Variants in SUPT3H observed in about 807,000 individuals in gnomAD.
SUPT3H encodes transcription initiation protein SPT3 homolog.
In SUPT3H, 44 loss-of-function variants were observed where a neutral mutation model predicts 44.3. That is an observed-to-expected ratio of 0.99 (90% CI 0.78 to 1.28). The LOEUF (loss-of-function observed/expected upper bound fraction) is 1.28, where lower values mean the gene tolerates loss of function less well. Among genes scored for constraint, SUPT3H ranks in the 50% most tolerant of loss-of-function variants. The pLI is 0.00. For missense variants in SUPT3H, 380 were observed against 387.1 expected (o/e 0.98, Z 0.15); for synonymous variants, 124 against 125.6 (o/e 0.99, Z 0.09).
chr6:45,197,653 C>A, intron 2 of SUPT3H: 1 of 349,424 alleles, frequency 2.9e-6, no homozygotes, highest in South Asian at 2.3e-5. Flanking sequence ...ATTGACAATA[C>A]TATTTTTTCA....
At position 45,007,409 on chromosome 6, in the gene SUPT3H, T is replaced by C. The variant is rs542059217; in HGVS notation, c.365-3617A>G. Among the ~76,000 whole-genome samples the C allele has an allele frequency of 2.8e-4, 42 of 152,212 alleles. 1 individual carries two copies. Among genetic ancestry groups the C allele is most frequent in the Admixed American group, 2.7e-3 (41 of 15,276 alleles). On this transcript the variant is annotated intron_variant, in intron 5 of 10. Transcript: ENST00000371459. The stretch of plus-strand genomic sequence containing the variant: ...TCATATGCATCTTAACTCCTCCGAA[T>C]TTATCCTCTATATCTCTTACCTTTT...
intron 2 of SUPT3H, among the ~76,000 whole-genome samples, chr6:45,272,167 G>C (rs774737580): frequency 2.0e-5 from 3 of 152,188 alleles, no homozygotes; most frequent in African/African-American, 4.8e-5. Flanking sequence ...GCTGAAATGA[G>C]TTAAGACTTT....
At chr6:45,341,110 C>T (rs1467681127) in intron 2 of SUPT3H, among the ~76,000 whole-genome samples, 1 of 152,128 alleles carries the variant, frequency 6.6e-6, no homozygotes, top group African/African-American at 2.4e-5. Context: ...GAAGTAAATC[C>T]TTGACATGTA....
At chr6:44,981,582 G>T (rs1329226162) in intron 6 of SUPT3H, among the ~76,000 whole-genome samples, 5 of 152,076 alleles carry the variant, frequency 3.3e-5, no homozygotes, top group Non-Finnish European at 7.4e-5. Context: ...ATTAGAAAAA[G>T]ATTAGCGTGA....
At chr6:44,893,588 A>T (rs62438018) in intron 10 of SUPT3H, among the ~76,000 whole-genome samples, 6 of 151,950 alleles carry the variant, frequency 3.9e-5, no homozygotes, top group Admixed American at 6.6e-5. Context: ...TCCATGGTAT[A>T]TATGTGCCAC....
intron 2 of SUPT3H, among the ~76,000 whole-genome samples, chr6:45,151,114 C>A (rs970785196): frequency 9.2e-5 from 14 of 152,108 alleles, no homozygotes; most frequent in South Asian, 2.1e-4. Flanking sequence ...ATGTTTCATA[C>A]ATATTTCTCC....
intron 2 of SUPT3H, among the ~76,000 whole-genome samples, chr6:45,177,727 G>T (rs1812249855): frequency 1.3e-5 from 2 of 151,974 alleles, no homozygotes; most frequent in African/African-American, 4.8e-5. Context: ...TCTCTCAGCA[G>T]AAACTCTACA....
intron 2 of SUPT3H, among the ~76,000 whole-genome samples, chr6:45,156,834 T>C (rs1238497933): frequency 6.6e-6 from 1 of 152,092 alleles, no homozygotes; most frequent in Non-Finnish European, 1.5e-5. Flanking sequence ...TAGTGTGAAA[T>C]ATTTGTTGAC....
chr6:45,083,744 G>C (rs1796133286), intron 3 of SUPT3H, among the ~76,000 whole-genome samples: 1 of 148,758 alleles, frequency 6.7e-6, no homozygotes, highest in African/African-American at 2.5e-5. Context: ...TATAAAAACA[G>C]ACACATAGAC....
At chr6:44,915,045 T>C (rs1019944481) in intron 10 of SUPT3H, among the ~76,000 whole-genome samples, 3 of 152,184 alleles carry the variant, frequency 2.0e-5, no homozygotes, top group Non-Finnish European at 4.4e-5. Context: ...TATCTAAATC[T>C]GAACATCCAA....
rs566277628 is a variant in SUPT3H, at chr6:44,886,473, A to C, written c.912+46180T>G. Among the ~76,000 whole-genome samples, 48 of 152,352 alleles carry C rather than the reference A, an allele frequency of 3.2e-4. No homozygotes were observed. The South Asian group carries it at 6.2e-3, about 20-fold the overall frequency. On this transcript the variant is annotated intron_variant, in intron 10 of 10. Transcript: ENST00000371459. ...GTGGGGGCTAATATTCAACATTCTT[A>C]AAGAAAAGAACTTTCAACCCAGAAT...
intron 6 of SUPT3H, among the ~76,000 whole-genome samples, chr6:44,993,819 T>A (rs553955124): frequency 5.3e-5 from 8 of 152,230 alleles, no homozygotes; most frequent in African/African-American, 1.9e-4. Flanking sequence ...AACATAACAA[T>A]GAGTTATCCT....
intron 3 of SUPT3H, among the ~76,000 whole-genome samples, chr6:45,091,045 C>T (rs758046610): frequency 1.6e-4 from 24 of 151,862 alleles, no homozygotes; most frequent in Non-Finnish European, 1.5e-4. Flanking sequence ...TTTTAAATAT[C>T]CTTTTCAAGT....
intron 2 of SUPT3H, among the ~76,000 whole-genome samples, chr6:45,226,159 T>C (rs933224509): frequency 2.0e-5 from 3 of 152,150 alleles, no homozygotes; most frequent in Non-Finnish European, 2.9e-5. Context: ...ACAGCAGATA[T>C]ATGAAGTCCA....
At chr6:44,838,868 C>T (rs1770414129) in intron 10 of SUPT3H, among the ~76,000 whole-genome samples, 1 of 152,166 alleles carries the variant, frequency 6.6e-6, no homozygotes, top group South Asian at 2.1e-4. Context: ...GTTCTTGAGA[C>T]ACTGTGAACA....
intron 2 of SUPT3H, among the ~76,000 whole-genome samples, chr6:45,179,519 A>G (rs1410932067): frequency 3.9e-5 from 6 of 152,242 alleles, no homozygotes; most frequent in South Asian, 2.1e-4. Flanking sequence ...ACATCAAAAA[A>G]CTTATCCACC....
At chr6:45,216,284 A>C (rs1292514935) in intron 2 of SUPT3H, among the ~76,000 whole-genome samples, 1 of 152,056 alleles carries the variant, frequency 6.6e-6, no homozygotes, top group East Asian at 1.9e-4. Context: ...CAAAGTATAA[A>C]ACTCACTGAT....
intron 7 of SUPT3H, among the ~76,000 whole-genome samples, chr6:44,958,118 C>G (rs1429759748): frequency 6.6e-6 from 1 of 152,168 alleles, no homozygotes; most frequent in East Asian, 1.9e-4. Flanking sequence ...AATTGACTAA[C>G]AAACAGAATC....
chr6:45,286,684 C>T (rs1360131103), intron 2 of SUPT3H, among the ~76,000 whole-genome samples: 6 of 152,108 alleles, frequency 3.9e-5, no homozygotes, highest in Admixed American at 3.3e-4. Context: ...GTCAGTGTGG[C>T]GATTCCTCAG....
Sources: gnomAD v4.1 joint callset for allele counts (sites outside exome capture counted in the v4.1 genomes callset) on GRCh38, gnomAD v4.1.1 for gene constraint, MANE v1.5 for transcripts, NCBI Gene and HGNC (gene_info 2026-07-23, HGNC 2026-07-21) for gene names.